FGGY: variants seen among roughly 807,000 people sequenced by gnomAD.
The protein encoded by FGGY is FGGY carbohydrate kinase domain-containing protein.
In FGGY, 72 loss-of-function variants were observed where a neutral mutation model predicts 71.3. That is an observed-to-expected ratio of 1.01 (90% confidence interval 0.84 to 1.23). The LOEUF is 1.23. FGGY is among the 50% of genes most tolerant of loss of function. FGGY has a pLI of 0.00. For missense variants in FGGY, 668 were observed against 682.3 expected, an observed-to-expected ratio of 0.98 and a Z score of 0.23; for synonymous variants, 251 against 250.3, an observed-to-expected ratio of 1.00 and a Z score of -0.02.
chr1:59,676,567 C>G (rs1306201652), intron 14 of FGGY, among the ~76,000 whole-genome samples: 1 of 151,718 alleles, frequency 6.6e-6, no homozygotes, highest in Non-Finnish European at 1.5e-5. Flanking sequence ...CAAAGGAATT[C>G]CACTCACATC....
chr1:59,475,841 C>A (rs570322191), intron 6 of FGGY, among the ~76,000 whole-genome samples: 1 of 152,336 alleles, frequency 6.6e-6, no homozygotes, highest in South Asian at 2.1e-4. Flanking sequence ...AATCCATTCT[C>A]CACACAGCAG....
intron 8 of FGGY, among the ~76,000 whole-genome samples, chr1:59,577,617 A>G (rs1408239827): frequency 7.2e-5 from 11 of 152,168 alleles, no homozygotes. Context: ...TTATTGGTGA[A>G]TAAGGGAGAG....
At chr1:59,554,366 G>T (rs1430341267) in intron 8 of FGGY, 139 bp downstream of exon 8, 8 of 588,298 alleles carry the variant, frequency 1.4e-5, no homozygotes, top group Non-Finnish European at 2.3e-5. Context: ...CTAGCCAGAA[G>T]CCCAGCTCCC....
intron 9 of FGGY, among the ~76,000 whole-genome samples, chr1:59,609,082 G>A (rs1002918074): frequency 6.6e-6 from 1 of 152,164 alleles, no homozygotes; most frequent in Admixed American, 6.5e-5. Context: ...GATAAATAAG[G>A]ACAAACCAGG....
chr1:59,569,943 C>A (rs1353846561), intron 8 of FGGY, among the ~76,000 whole-genome samples: 1 of 152,154 alleles, frequency 6.6e-6, no homozygotes, highest in African/African-American at 2.4e-5. Flanking sequence ...GGTTCATCTT[C>A]ATTTACTCAA....
chr1:59,461,935 CATT>C (rs1310021042), intron 6 of FGGY, among the ~76,000 whole-genome samples: 2 of 151,976 alleles, frequency 1.3e-5, no homozygotes, highest in Non-Finnish European at 2.9e-5. Flanking sequence ...ATTAACTCCT[CATT>C]TAGCATTAGG....
intron 14 of FGGY, among the ~76,000 whole-genome samples, chr1:59,684,613 T>C (rs2097530574): frequency 6.6e-6 from 1 of 152,202 alleles, no homozygotes; most frequent in Non-Finnish European, 1.5e-5. Context: ...CTCAGTCTCA[T>C]GATATGTTAG....
chr1:59,539,894 A>G (rs1418690711), intron 7 of FGGY, among the ~76,000 whole-genome samples: 2 of 152,258 alleles, frequency 1.3e-5, no homozygotes, highest in Non-Finnish European at 1.5e-5. Context: ...CTACACATTA[A>G]TGAGAAAAGA....
At chr1:59,650,736 G>A (rs1390317440) in intron 11 of FGGY, among the ~76,000 whole-genome samples, 4 of 135,152 alleles carry the variant, frequency 3.0e-5, no homozygotes, top group South Asian at 2.3e-4. Flanking sequence ...AGGGTTTTTT[G>A]TGTCTCTATT....
intron 11 of FGGY, among the ~76,000 whole-genome samples, chr1:59,647,017 AAAC>A (rs1163492217): frequency 6.6e-6 from 1 of 152,164 alleles, no homozygotes; most frequent in Non-Finnish European, 1.5e-5. Flanking sequence ...TATATACACT[AAAC>A]AACAAGTAAA....
At chr1:59,726,732 C>G (rs1343398721) in intron 14 of FGGY, among the ~76,000 whole-genome samples, 1 of 152,070 alleles carries the variant, frequency 6.6e-6, no homozygotes, top group Non-Finnish European at 1.5e-5. Flanking sequence ...TAACTTCTCT[C>G]TTTTTATCTT....
intron 9 of FGGY, among the ~76,000 whole-genome samples, chr1:59,622,387 T>A (rs1353540850): frequency 2.0e-5 from 3 of 152,124 alleles, no homozygotes; most frequent in Non-Finnish European, 2.9e-5. Context: ...TTTTGGACAT[T>A]GTGATTGATA....
At chr1:59,575,260 T>C (rs571369022) in intron 8 of FGGY, among the ~76,000 whole-genome samples, 1 of 152,300 alleles carries the variant, frequency 6.6e-6, no homozygotes, top group East Asian at 1.9e-4. Flanking sequence ...ACATCTCTGC[T>C]TTACCCCTTG....
At chr1:59,663,656 G>A (rs183510516) in intron 12 of FGGY, among the ~76,000 whole-genome samples, 1 of 152,220 alleles carries the variant, frequency 6.6e-6, no homozygotes, top group African/African-American at 2.4e-5. Flanking sequence ...TACCATGAAA[G>A]GAAGGCATTT....
intron 5 of FGGY, among the ~76,000 whole-genome samples, chr1:59,417,335 T>G (rs920959605): frequency 6.6e-6 from 1 of 152,240 alleles, no homozygotes; most frequent in African/African-American, 2.4e-5. Context: ...ATTCATCTGT[T>G]GATGGACATT....
intron 4 of FGGY, among the ~76,000 whole-genome samples, chr1:59,351,003 G>A (rs2153224100): frequency 1.3e-5 from 2 of 152,322 alleles, no homozygotes; most frequent in Non-Finnish European, 2.9e-5. Context: ...CCTGTTATTG[G>A]ATGGCTTGAG....
rs150439812 is a variant in FGGY at position 59,359,844 on chromosome 1, T to C, written c.465+13446T>C. Among the ~76,000 whole-genome samples the C allele has an allele frequency of 9.0e-4, 137 of 152,314 alleles. No homozygotes were observed. In the East Asian group the frequency reaches 9.1e-3, roughly 10 times the overall value. On this transcript the variant is annotated intron_variant, in intron 4 of 15. Coordinates refer to ENST00000303721, the MANE Select transcript of FGGY (RefSeq NM_018291.5). ...AGGCTTGTAATCTGAATGATCAGTG[T>C]CTTTTGGCTCAAAAATGCAAAGTGA...
chr1:59,485,830 G>A (rs1203037), intron 6 of FGGY, among the ~76,000 whole-genome samples: 67,209 of 151,846 alleles, frequency 0.44, 15,140 homozygotes, highest in Middle Eastern at 0.52. Flanking sequence ...TTTACAGATG[G>A]TCAGTCACAG....
chr1:59,565,497 G>A (rs2095860590), intron 8 of FGGY, among the ~76,000 whole-genome samples: 1 of 152,156 alleles, frequency 6.6e-6, no homozygotes, highest in African/African-American at 2.4e-5. Context: ...CGTTAGCCAG[G>A]ATGGTCTCGA....
Sources: gnomAD v4.1 joint callset for allele counts (sites outside exome capture counted in the v4.1 genomes callset) on GRCh38, gnomAD v4.1.1 for gene constraint, MANE v1.5 for transcripts, NCBI Gene and HGNC (gene_info 2026-07-23, HGNC 2026-07-21) for gene names.